Variants in PCDH15 observed in about 807,000 individuals in gnomAD.
The protein encoded by PCDH15 is protocadherin related 15.
PCDH15 carries 129 observed loss-of-function variants against 178.5 expected under a neutral mutation model. That is an observed-to-expected ratio of 0.72 (90% CI 0.63 to 0.84). The LOEUF (loss-of-function observed/expected upper bound fraction) is 0.84, where lower values mean the gene tolerates loss of function less well. PCDH15 is among the 40% of genes least tolerant of loss of function. PCDH15 has a pLI of 0.00. For synonymous variants in PCDH15, 800 were observed against 732.0 expected, an observed-to-expected ratio of 1.09 and a Z score of -1.50; for missense variants, 2,230 against 2,099.9, an observed-to-expected ratio of 1.06 and a Z score of -1.21.
intron 18 of PCDH15, among the ~76,000 whole-genome samples, chr10:54,033,592 G>T (rs1424192540): frequency 6.6e-6 from 1 of 151,850 alleles, no homozygotes; most frequent in Non-Finnish European, 1.5e-5. Context: ...GGGTATCTCT[G>T]AGCTTGTACT....
chr10:55,272,500 G>A (rs1436277557), intron 1 of PCDH15, among the ~76,000 whole-genome samples: 1 of 151,850 alleles, frequency 6.6e-6, no homozygotes, highest in African/African-American at 2.4e-5. Context: ...TGCCTCCTGG[G>A]TTCAAGCGAT....
intron 9 of PCDH15, among the ~76,000 whole-genome samples, chr10:54,223,984 C>T (rs952521217): frequency 1.3e-5 from 2 of 152,172 alleles, no homozygotes; most frequent in African/African-American, 4.8e-5. Flanking sequence ...ATGCTTCATA[C>T]ATTTGAAAAT....
chr10:54,027,969 C>A (rs1265335688), intron 18 of PCDH15, among the ~76,000 whole-genome samples: 7 of 151,288 alleles, frequency 4.6e-5, no homozygotes, highest in African/African-American at 1.5e-4. Context: ...AGAGCTTCTG[C>A]ACAGCAAAAG....
rs1294717780 is a variant in PCDH15 at position 55,606,896 on chromosome 10, T to C, written c.-156+20729A>G. Among the ~76,000 whole-genome samples the C allele has an allele frequency of 1.8e-4, 26 of 145,088 alleles. 1 individual carries two copies. Among genetic ancestry groups the C allele is most frequent in the Admixed American group, 1.3e-3 (19 of 14,510 alleles). On this transcript the variant is annotated intron_variant, in intron 2 of 5. Coordinates refer to the PCDH15 transcript ENST00000613346. Reference sequence around the variant, plus strand: ...GGCAACAAAAGCCAAAATTGACAAATGGGATCTAATTAAACTAAAGAGCTT... The same window carrying C: ...GGCAACAAAAGCCAAAATTGACAAACGGGATCTAATTAAACTAAAGAGCTT...
chr10:55,091,700 C>G (rs577300321), intron 2 of PCDH15, among the ~76,000 whole-genome samples: 5 of 151,924 alleles, frequency 3.3e-5, no homozygotes, highest in African/African-American at 1.2e-4. Context: ...TCTACTCATT[C>G]AGGATTTTTG....
At chr10:55,195,562 A>G (rs1388805232) in intron 1 of PCDH15, among the ~76,000 whole-genome samples, 1 of 150,646 alleles carries the variant, frequency 6.6e-6, no homozygotes, top group East Asian at 2.0e-4. Context: ...AGGCTGAGGC[A>G]GAGAATTTCT....
chr10:55,595,113 C>T (rs78696931), intron 2 of PCDH15, among the ~76,000 whole-genome samples: 4,351 of 151,874 alleles, frequency 0.029, 214 homozygotes, highest in African/African-American at 0.1. Context: ...TTGTATGCTA[C>T]GATAAGTTTC....
At chr10:53,812,239 G>A (rs1202547078) in intron 35 of PCDH15, among the ~76,000 whole-genome samples, 2 of 152,128 alleles carry the variant, frequency 1.3e-5, no homozygotes, top group African/African-American at 2.4e-5. Flanking sequence ...ACGGAGTCTC[G>A]CTGAGTCGCC....
chr10:55,126,540 T>G (rs1050941245), intron 2 of PCDH15, among the ~76,000 whole-genome samples: 2 of 151,958 alleles, frequency 1.3e-5, no homozygotes, highest in African/African-American at 4.8e-5. Flanking sequence ...ACTTGACAGG[T>G]TTAGTTAGAA....
chr10:54,497,632 G>A (rs538801282), intron 3 of PCDH15, among the ~76,000 whole-genome samples: 1 of 152,182 alleles, frequency 6.6e-6, no homozygotes, highest in South Asian at 2.1e-4. Context: ...GTTCACTACA[G>A]CAATTTCAGA....
intron 13 of PCDH15, among the ~76,000 whole-genome samples, chr10:54,183,172 C>A (rs528864137): frequency 1.3e-5 from 2 of 152,014 alleles, no homozygotes; most frequent in East Asian, 1.9e-4. Flanking sequence ...GTAGAGACAG[C>A]GTTGGTCAGG....
chr10:54,476,577 T>C (rs2078288090), intron 3 of PCDH15, among the ~76,000 whole-genome samples: 1 of 152,136 alleles, frequency 6.6e-6, no homozygotes, highest in African/African-American at 2.4e-5. Context: ...AAGGTGTTTC[T>C]TTTAGGTTAT....
In PCDH15 at chr10:53,805,118, A is replaced by G. The variant is rs1410974423; in HGVS notation, c.*1461T>C. On this transcript the variant is annotated 3_prime_UTR_variant, in exon 38 of 38. Transcript: ENST00000644397. ...ATTCATTCACTTTGGAAATGAGGAAATAGCATAATAATAAACAATTTTTAA... is the reference window on the plus strand; with the variant it reads ...ATTCATTCACTTTGGAAATGAGGAAGTAGCATAATAATAAACAATTTTTAA... The G allele has an allele frequency of 6.6e-6, 1 of 152,080 alleles. No homozygotes were observed. The highest frequency in any genetic ancestry group is 1.5e-5 in the Non-Finnish European group (1 of 67,972). The allele number at this position is 152,080 out of a possible 1,614,324, so 9.4% of individuals were successfully genotyped here. A position where few individuals can be genotyped will look rare whatever the true frequency, so the allele number is the denominator to read the frequency against.
At chr10:54,213,347 G>A (rs994562653) in intron 10 of PCDH15, among the ~76,000 whole-genome samples, 9 of 151,850 alleles carry the variant, frequency 5.9e-5, no homozygotes, top group Admixed American at 5.9e-4. Context: ...TTAAAATATA[G>A]ATATACTATT....
At chr10:54,120,216 C>T (rs1331428433) in intron 15 of PCDH15, among the ~76,000 whole-genome samples, 1 of 152,114 alleles carries the variant, frequency 6.6e-6, no homozygotes, top group African/African-American at 2.4e-5. Context: ...CAAGCACGTA[C>T]TAAGAATATT....
intron 3 of PCDH15, among the ~76,000 whole-genome samples, chr10:54,401,543 G>A (rs897300683): frequency 1.4e-4 from 21 of 151,610 alleles, no homozygotes; most frequent in East Asian, 3.9e-4. Flanking sequence ...CCAAATACCC[G>A]TCAAATATCC....
intron 3 of PCDH15, among the ~76,000 whole-genome samples, chr10:54,495,240 CT>C (rs1238094559): frequency 4.6e-5 from 7 of 152,012 alleles, no homozygotes; most frequent in African/African-American, 1.7e-4. Context: ...AATAACTCAT[CT>C]GCAAAAGTGC....
intron 4 of PCDH15, among the ~76,000 whole-genome samples, chr10:54,375,802 TA>T (rs1319245144): frequency 8.7e-6 from 1 of 114,988 alleles, no homozygotes; most frequent in African/African-American, 3.5e-5. Flanking sequence ...TATATATATA[TA>T]ATATATAAAT....
intron 6 of PCDH15, among the ~76,000 whole-genome samples, chr10:54,342,002 G>C (rs1446382838): frequency 1.3e-5 from 2 of 152,186 alleles, no homozygotes; most frequent in African/African-American, 4.8e-5. Flanking sequence ...GACATTATGT[G>C]AAACTGGAAC....
Sources: allele counts gnomAD v4.1 joint callset (sites outside exome capture counted in the v4.1 genomes callset), GRCh38; gene constraint gnomAD v4.1.1; transcripts MANE v1.5; gene names NCBI Gene and HGNC (gene_info 2026-07-23, HGNC 2026-07-21).